PRKCQ: variants seen among roughly 807,000 people sequenced by gnomAD.
PRKCQ encodes the protein protein kinase C theta type.
A neutral mutation model predicts 91.2 loss-of-function variants in PRKCQ; 41 were observed. That is an observed-to-expected ratio of 0.45 (90% CI 0.35 to 0.58). The LOEUF (loss-of-function observed/expected upper bound fraction) is 0.58, where lower values mean the gene tolerates loss of function less well. Ranked by LOEUF, PRKCQ falls within the 20% of genes least tolerant of loss-of-function variation. The pLI, the probability that PRKCQ is intolerant of heterozygous loss-of-function variation, is 0.00. For synonymous variants in PRKCQ, 307 were observed against 316.9 expected (o/e 0.97, Z 0.33); for missense variants, 673 against 896.5 (o/e 0.75, Z 3.18).
chr10:6,532,657 T>G (rs1181573153), intron 1 of PRKCQ, among the ~76,000 whole-genome samples: 1 of 152,268 alleles, frequency 6.6e-6, no homozygotes, highest in Non-Finnish European at 1.5e-5. Flanking sequence ...ATTTTTTAAC[T>G]GCAATTTCAT....
chr10:6,567,397 A>G (rs1840872352), intron 1 of PRKCQ, among the ~76,000 whole-genome samples: 2 of 152,282 alleles, frequency 1.3e-5, no homozygotes, highest in African/African-American at 4.8e-5. Context: ...ATAGCAGAAC[A>G]CACGGATGGA....
At chr10:6,541,722 T>C (rs925860372) in intron 1 of PRKCQ, among the ~76,000 whole-genome samples, 3 of 152,224 alleles carry the variant, frequency 2.0e-5, no homozygotes, top group African/African-American at 4.8e-5. Context: ...ACAGGAATCC[T>C]CCTGCTATAA....
chr10:6,507,298 T>G, intron 4 of PRKCQ, 138 bp downstream of exon 4: 2 of 828,706 alleles, frequency 2.4e-6, no homozygotes, highest in Non-Finnish European at 4.0e-6. Context: ...TGAGCACCTC[T>G]GAGAATTTTA....
At chr10:6,515,879 C>T (rs1452860338) in intron 1 of PRKCQ, among the ~76,000 whole-genome samples, 3 of 152,308 alleles carry the variant, frequency 2.0e-5, no homozygotes, top group African/African-American at 7.2e-5. Flanking sequence ...AGCTACAAAT[C>T]CAGGAATCTA....
intron 1 of PRKCQ, among the ~76,000 whole-genome samples, chr10:6,570,954 G>T (rs1015882812): frequency 1.3e-5 from 2 of 152,160 alleles, no homozygotes; most frequent in Non-Finnish European, 2.9e-5. Context: ...GGTGGGGGCA[G>T]TTCTGAATCG....
At chr10:6,442,741 C>G (rs1203938501) in intron 15 of PRKCQ, among the ~76,000 whole-genome samples, 5 of 152,170 alleles carry the variant, frequency 3.3e-5, no homozygotes, top group Non-Finnish European at 7.4e-5. Flanking sequence ...GCTAGTGGAT[C>G]ACCTGAGGTC....
At chr10:6,403,536 T>C in the PRKCQ span, among the ~76,000 whole-genome samples, 1 of 152,166 alleles carries the variant, frequency 6.6e-6, no homozygotes, top group African/African-American at 2.4e-5. Context: ...CTGCCGACTT[T>C]GGTGGGTCTA....
intron 15 of PRKCQ, among the ~76,000 whole-genome samples, chr10:6,443,888 A>G (rs1274749109): frequency 6.6e-6 from 1 of 152,090 alleles, no homozygotes; most frequent in Non-Finnish European, 1.5e-5. Context: ...AGTGACAAAA[A>G]CCGTAACTAC....
chr10:6,438,776 TG>T (rs1833821734), intron 16 of PRKCQ, among the ~76,000 whole-genome samples: 2 of 152,136 alleles, frequency 1.3e-5, no homozygotes, highest in Admixed American at 1.3e-4. Context: ...TTAGATTTTT[TG>T]TAGAGATGGG....
Position 6,428,096 on chromosome 10 carries a change from T to C in PRKCQ, c.*111A>G. On this transcript the variant is annotated 3_prime_UTR_variant, in exon 18 of 18. Coordinates refer to ENST00000263125, the MANE Select transcript of PRKCQ (RefSeq NM_006257.5). ...GGGGGCGAACGGGTCTCAGTCTTTA[T>C]TGTTGAGTGTTTCTTTCTTTTTCCA... is the stretch of plus-strand genomic sequence containing the variant. 5 of 1,397,840 alleles carry C rather than the reference T, an allele frequency of 3.6e-6. No individual in the cohort carries two copies. The South Asian group carries it at 3.7e-5, about 10-fold the overall frequency. 86.6% of individuals were successfully genotyped at this position (1,397,840 alleles called of 1,614,324 possible).
rs1289500934 is a variant in PRKCQ at position 6,497,418 on chromosome 10, T to C, written c.543-167A>G. ...AGAGTATTAACAGAGTGTTTTTCAT[T>C]TGAAGCTGCGTTTTAAAAAGTTTGA... On this transcript the variant is annotated intron_variant, in intron 5 of 17. Coordinates refer to ENST00000263125, the MANE Select transcript of PRKCQ (RefSeq NM_006257.5). The surrounding 1 kb of genome is among the most constrained non-coding windows in gnomAD (Gnocchi z 4.5). 1.3e-5 allele frequency among the ~76,000 whole-genome samples: 2 copies of C among 152,208 alleles called. No individual in the cohort carries two copies. The highest frequency in any genetic ancestry group is 6.5e-5 in the Admixed American group (1 of 15,284).
chr10:6,538,737 T>G (rs372646619), intron 1 of PRKCQ, among the ~76,000 whole-genome samples: 1 of 152,354 alleles, frequency 6.6e-6, no homozygotes, highest in East Asian at 1.9e-4. Flanking sequence ...TTTAAGCTGT[T>G]GACTTTTACC....
At chr10:6,445,641 A>G (rs1376935969) in intron 15 of PRKCQ, among the ~76,000 whole-genome samples, 1 of 152,230 alleles carries the variant, frequency 6.6e-6, no homozygotes, top group Middle Eastern at 3.2e-3. Context: ...TTGCAAACAG[A>G]ATTTTGCAAT....
intron 12 of PRKCQ, among the ~76,000 whole-genome samples, chr10:6,467,296 TGAGA>T (rs35362449): frequency 1.2e-3 from 137 of 111,494 alleles, no homozygotes; most frequent in South Asian, 1.9e-3. Context: ...CCAAGCAGGC[TGAGA>T]GAGAGAGAGA....
At chr10:6,553,478 AGACCCTGTCTC>A in intron 1 of PRKCQ, among the ~76,000 whole-genome samples, 2 of 139,908 alleles carry the variant, frequency 1.4e-5, no homozygotes, top group South Asian at 4.7e-4. Context: ...TGACAGAGCA[AGACCCTGTCTC>A]AAAAAAAAAA....
rs76585461 is a variant in PRKCQ at position 6,529,279 on chromosome 10, G to A, written c.-9-14135C>T. Reference sequence around the variant, plus strand: ...ATCACTTACTAGACACAAAGATGCTGCCTTCTGTAGGAGTAAATGGAAATG... The same window carrying A: ...ATCACTTACTAGACACAAAGATGCTACCTTCTGTAGGAGTAAATGGAAATG... On this transcript the variant is annotated intron_variant, in intron 1 of 17. Coordinates refer to ENST00000263125, the MANE Select transcript of PRKCQ (RefSeq NM_006257.5). 9.9e-3 allele frequency among the ~76,000 whole-genome samples: 1,509 copies of A among 152,264 alleles called. 26 individuals are homozygous for A. Among genetic ancestry groups the A allele is most frequent in the East Asian group, 0.031 (159 of 5,186 alleles).
At position 6,483,573 on chromosome 10, in the gene PRKCQ, G is replaced by A. The variant is rs1356922068; in HGVS notation, c.1046C>T (p.Pro349Leu). ...REPQGISWES[P>L]LDEVDKMCHL... ...GCACATTTTATCCACCTCATCCAAC[G>A]GAGACTCCCAGGAAATGCCCTGAGG... Residue 349 changes from proline (P) to leucine (L), a missense_variant, in exon 11 of 18, where the codon CCG becomes CTG. Pro to Leu is a moderately conservative substitution (Grantham distance 98, BLOSUM62 -3). Coordinates refer to ENST00000263125, the MANE Select transcript of PRKCQ (RefSeq NM_006257.5). The A allele has an allele frequency of 5.0e-6, 8 of 1,614,024 alleles. No individual in the cohort carries two copies. Among genetic ancestry groups the A allele is most frequent in the Admixed American group, 1.7e-5 (1 of 60,006 alleles).
chr10:6,434,790 A>C (rs1342058638), intron 16 of PRKCQ, among the ~76,000 whole-genome samples: 1 of 152,250 alleles, frequency 6.6e-6, no homozygotes, highest in Admixed American at 6.5e-5. Flanking sequence ...TTCCCTCTTC[A>C]GTCCCTCCTC....
chr10:6,497,186 A>G lies in PRKCQ; in HGVS notation c.574+34T>C. 2 of 1,614,174 alleles carry G rather than the reference A, an allele frequency of 1.2e-6. No individual in the cohort carries two copies. The highest frequency in any genetic ancestry group is 1.7e-6 in the Non-Finnish European group (2 of 1,179,994). ...CCTAAGGAATAACTAAATAAAAAGA[A>G]TGATGGTAATGCAACCAAAACCCTC... On this transcript the variant is annotated intron_variant, in intron 6 of 17. Coordinates refer to ENST00000263125, the MANE Select transcript of PRKCQ (RefSeq NM_006257.5). This position sits in a 1 kb window ranked among gnomAD's most constrained non-coding sequence, Gnocchi z 4.5.
Sources: gnomAD v4.1 joint callset for allele counts (sites outside exome capture counted in the v4.1 genomes callset) on GRCh38, gnomAD v4.1.1 for gene constraint, Gnocchi (gnomAD v3.1) non-coding constraint, MANE v1.5 for transcripts, NCBI Gene and HGNC (gene_info 2026-07-23, HGNC 2026-07-21) for gene names.